The following PCOLCE2 variants were observed in gnomAD, a reference collection of about 807,000 sequenced individuals.
PCOLCE2 encodes the protein procollagen C-endopeptidase enhancer 2, also known as procollagen C-proteinase enhancer 2.
In PCOLCE2, 42 loss-of-function variants were observed where a neutral mutation model predicts 47.0. The observed-to-expected ratio is 0.89, with a 90% CI of 0.70 to 1.16. PCOLCE2 has a LOEUF of 1.16. PCOLCE2 is among the 50% of genes most tolerant of loss of function. PCOLCE2 has a pLI of 0.00. For synonymous variants in PCOLCE2, 169 were observed against 191.7 expected (o/e 0.88, Z 0.98); for missense variants, 500 against 526.1 (o/e 0.95, Z 0.49).
intron 2 of PCOLCE2, among the ~76,000 whole-genome samples, chr3:142,855,654 A>G (rs926063990): frequency 2.1e-4 from 32 of 152,322 alleles, no homozygotes; most frequent in Non-Finnish European, 3.5e-4. Context: ...AGTTGGGGCC[A>G]TGAGTCTGGG....
At chr3:142,843,574 G>A (rs959667682) in intron 3 of PCOLCE2, among the ~76,000 whole-genome samples, 3 of 151,542 alleles carry the variant, frequency 2.0e-5, no homozygotes, top group Non-Finnish European at 4.4e-5. Flanking sequence ...AATACAGAAA[G>A]GCACAAGGAA....
intron 2 of PCOLCE2, among the ~76,000 whole-genome samples, chr3:142,882,336 A>C (rs982554804): frequency 2.0e-5 from 3 of 152,028 alleles, no homozygotes; most frequent in African/African-American, 7.2e-5. Context: ...GTGAGCCACC[A>C]GGCCTGGCCT....
intron 2 of PCOLCE2, among the ~76,000 whole-genome samples, chr3:142,855,675 T>C (rs1933047627): frequency 6.6e-6 from 1 of 152,162 alleles, no homozygotes; most frequent in Non-Finnish European, 1.5e-5. Flanking sequence ...TCCTGGTCAA[T>C]GGAATGTAGA....
At chr3:142,881,426 C>T (rs1933617918) in intron 2 of PCOLCE2, among the ~76,000 whole-genome samples, 1 of 152,048 alleles carries the variant, frequency 6.6e-6, no homozygotes, top group African/African-American at 2.4e-5. Flanking sequence ...ATTTTTAGTT[C>T]CATGATTTCT....
At chr3:142,835,834 G>A (rs1325115651) in intron 5 of PCOLCE2, among the ~76,000 whole-genome samples, 1 of 152,068 alleles carries the variant, frequency 6.6e-6, no homozygotes, top group Non-Finnish European at 1.5e-5. Context: ...TTTACAGATG[G>A]TATCTTACCA....
rs1032798424 is a variant in PCOLCE2, at chr3:142,887,709, C to T, written c.152G>A (p.Gly51Glu). The T allele has an allele frequency of 1.7e-5, 27 of 1,607,526 alleles. No homozygotes were observed. The highest frequency in any genetic ancestry group is 1.7e-4 in the Middle Eastern group (1 of 6,054). ...SGFIGSEGFP[G>E]VYPPNSKCTW... ...ACATTTGCTATTTGGAGGGTACACT[C>T]CAGGAAAACCTTCACTGCCAATAAA... The change falls in exon 2 of 9, where the codon GGA (glycine) becomes GAA (glutamate). Residue 51 changes from glycine to glutamate, a missense_variant. Gly to Glu is a moderately conservative substitution (Grantham distance 98, BLOSUM62 -2). Coordinates refer to ENST00000295992, the MANE Select transcript of PCOLCE2 (RefSeq NM_013363.4).
chr3:142,885,295 A>G (rs59716354), intron 2 of PCOLCE2, among the ~76,000 whole-genome samples: 43,608 of 152,118 alleles, frequency 0.29, 7,267 homozygotes, highest in African/African-American at 0.46. Context: ...TGAAAGCAAG[A>G]TATTTCCCCC....
At chr3:142,845,099 T>C (rs992935347) in intron 3 of PCOLCE2, among the ~76,000 whole-genome samples, 1 of 152,218 alleles carries the variant, frequency 6.6e-6, no homozygotes, top group Non-Finnish European at 1.5e-5. Flanking sequence ...TTCTATTTGC[T>C]TTACCTTTCT....
intron 7 of PCOLCE2, among the ~76,000 whole-genome samples, chr3:142,822,046 T>C (rs1263699411): frequency 6.6e-6 from 1 of 152,122 alleles, no homozygotes; most frequent in Non-Finnish European, 1.5e-5. Context: ...GCCTCCCAAG[T>C]AGCTGGGATT....
At chr3:142,850,696 A>C (rs965782856) in intron 2 of PCOLCE2, among the ~76,000 whole-genome samples, 2 of 152,228 alleles carry the variant, frequency 1.3e-5, no homozygotes, top group East Asian at 3.8e-4. Context: ...CACCATGGGG[A>C]GAAAACTGGA....
chr3:142,848,424 C>T lies in PCOLCE2; in HGVS notation c.241G>A (p.Glu81Lys), dbSNP rs1303991907. 15 of 1,609,490 alleles carry T rather than the reference C, an allele frequency of 9.3e-6. No homozygotes were observed. Among genetic ancestry groups the T allele is most frequent in the South Asian group, 5.5e-5 (5 of 90,986 alleles). The change falls in exon 3 of 9, where the codon GAG becomes AAG. Residue 81 changes from glutamate to lysine, a missense_variant. Transcript: ENST00000295992. The stretch of plus-strand genomic sequence containing the variant: ...TCATAGCGGCACAGGTTGTCACTCT[C>T]GAGGTCTATGAATCGGAAATTGAGA... Reference protein sequence around the residue: ...VVLNFRFIDLESDNLCRYDFV... With the variant: ...VVLNFRFIDLKSDNLCRYDFV...
chr3:142,842,795 A>C lies in PCOLCE2; in HGVS notation c.573+129T>G. ...CATGAAGAAATACCTGTGTCCAGGA[A>C]CCTTCCTCTTCTTGTATCCCTTAGC... On this transcript the variant is annotated intron_variant, in intron 4 of 8. Transcript: ENST00000295992. This position sits in a 1 kb window ranked among gnomAD's most constrained non-coding sequence, Gnocchi z 4.1. The C allele has an allele frequency of 3.6e-6, 3 of 839,684 alleles. No individual in the cohort carries two copies. The highest frequency in any genetic ancestry group is 5.7e-6 in the Non-Finnish European group (3 of 524,314). The allele number at this position is 839,684 out of a possible 1,614,324, so 52.0% of individuals were successfully genotyped here.
chr3:142,875,224 CG>C (rs1933473239), intron 2 of PCOLCE2, among the ~76,000 whole-genome samples: 2 of 152,076 alleles, frequency 1.3e-5, no homozygotes, highest in South Asian at 4.2e-4. Flanking sequence ...TTAAACAAGG[CG>C]TAAGTTGTAA....
At chr3:142,864,590 G>C (rs1230127146) in intron 2 of PCOLCE2, 2 of 152,202 alleles carry the variant, frequency 1.3e-5, no homozygotes. Context: ...ATGGAGTTGT[G>C]CAACCATCAC....
At chr3:142,849,595 T>C (rs1937367664) in intron 2 of PCOLCE2, among the ~76,000 whole-genome samples, 1 of 152,186 alleles carries the variant, frequency 6.6e-6, no homozygotes, top group African/African-American at 2.4e-5. Flanking sequence ...CAAAGCCCCA[T>C]TTCTTTCCCA....
rs978926207 is a variant in PCOLCE2 at position 142,818,145 on chromosome 3, A to G, written c.*190T>C. On this transcript the variant is annotated 3_prime_UTR_variant, in exon 9 of 9. Transcript: ENST00000295992. The stretch of plus-strand genomic sequence containing the variant: ...CCAATCAGATAGCTGCTCCTCTGAC[A>G]GCAGGCAAAGAACTTCCCTCAGCTA... The G allele has an allele frequency of 1.2e-5, 6 of 497,824 alleles. No homozygotes were observed. The highest frequency in any genetic ancestry group is 6.6e-5 in the Admixed American group (2 of 30,448). The allele number at this position is 497,824 out of a possible 1,614,324, so 30.8% of individuals were successfully genotyped here.
At chr3:142,827,836 A>G in intron 6 of PCOLCE2, 1 of 550,894 alleles carries the variant, frequency 1.8e-6, no homozygotes, top group South Asian at 2.2e-5. Context: ...CAAACCCAAC[A>G]AGGCGACAGC....
At chr3:142,849,730 C>T (rs778738575) in intron 2 of PCOLCE2, among the ~76,000 whole-genome samples, 1 of 152,066 alleles carries the variant, frequency 6.6e-6, no homozygotes, top group Non-Finnish European at 1.5e-5. Flanking sequence ...TCTGTAAAAA[C>T]TTACATATAA....
chr3:142,836,608 A>G (rs776265292), intron 5 of PCOLCE2, among the ~76,000 whole-genome samples: 6 of 152,230 alleles, frequency 3.9e-5, no homozygotes, highest in Non-Finnish European at 8.8e-5. Context: ...AGGATATCTT[A>G]TCTTGCATAT....
Sources: allele counts gnomAD v4.1 joint callset (sites outside exome capture counted in the v4.1 genomes callset), GRCh38; gene constraint gnomAD v4.1.1; non-coding constraint Gnocchi (gnomAD v3.1); transcripts MANE v1.5; gene names NCBI Gene and HGNC (gene_info 2026-07-23, HGNC 2026-07-21).